Variants in NUBPL observed in about 807,000 individuals in gnomAD.
The protein encoded by NUBPL is NUBP iron-sulfur cluster assembly factor, mitochondrial.
Under a neutral mutation model 45.7 loss-of-function variants are expected in NUBPL, and 31 were observed. The observed-to-expected ratio is 0.68, with a 90% CI of 0.51 to 0.92. The LOEUF (loss-of-function observed/expected upper bound fraction) is 0.92, where lower values mean the gene tolerates loss of function less well. Among genes scored for constraint, NUBPL ranks in the 40% least tolerant of loss-of-function variants. The pLI, the probability that NUBPL is intolerant of heterozygous loss-of-function variation, is 0.00. For missense variants in NUBPL, 401 were observed against 398.7 expected, an observed-to-expected ratio of 1.01 and a Z score of -0.05; for synonymous variants, 144 against 140.9, an observed-to-expected ratio of 1.02 and a Z score of -0.15.
intron 6 of NUBPL, among the ~76,000 whole-genome samples, chr14:31,718,557 A>C (rs2037738080): frequency 6.6e-6 from 1 of 152,210 alleles, no homozygotes; most frequent in Non-Finnish European, 1.5e-5. Context: ...ATCTTACAGC[A>C]AAGTGATTAA....
At chr14:31,806,244 A>G (rs938479105) in intron 7 of NUBPL, among the ~76,000 whole-genome samples, 4 of 152,144 alleles carry the variant, frequency 2.6e-5, no homozygotes, top group Non-Finnish European at 5.9e-5. Flanking sequence ...TTCCTGAAAA[A>G]TACCTGGTTA....
chr14:31,572,664 GT>G (rs1317784384), intron 3 of NUBPL, among the ~76,000 whole-genome samples: 2 of 152,200 alleles, frequency 1.3e-5, no homozygotes, highest in Non-Finnish European at 2.9e-5. Context: ...CCTACACACT[GT>G]TCTTTTCCTG....
intron 4 of NUBPL, among the ~76,000 whole-genome samples, chr14:31,629,400 T>C (rs1203902444): frequency 1.3e-5 from 2 of 152,224 alleles, no homozygotes; most frequent in Non-Finnish European, 2.9e-5. Flanking sequence ...ACTAGGTCTT[T>C]CCTTTTCATT....
intron 6 of NUBPL, among the ~76,000 whole-genome samples, chr14:31,704,273 G>T (rs2037399257): frequency 6.6e-6 from 1 of 152,148 alleles, no homozygotes; most frequent in African/African-American, 2.4e-5. Context: ...GACATTCTAG[G>T]GGTCCCCTTT....
chr14:31,836,118 C>T (rs184519659), intron 8 of NUBPL, among the ~76,000 whole-genome samples: 30 of 152,052 alleles, frequency 2.0e-4, no homozygotes, highest in Non-Finnish European at 4.1e-4. Context: ...CAGAAAAATC[C>T]AATATTCAGA....
rs1262171212 is a variant in NUBPL, at chr14:31,859,437, A to G, written c.*257A>G. On this transcript the variant is annotated 3_prime_UTR_variant, in exon 11 of 11. Coordinates refer to ENST00000281081, the MANE Select transcript of NUBPL (RefSeq NM_025152.3). ...GAACTGCATTTTATTTTATTGAATT[A>G]CCCCTTTAGAAATCACGAGTTTATG... The G allele has an allele frequency of 2.1e-5, 10 of 483,010 alleles. No homozygotes were observed. Among genetic ancestry groups the G allele is most frequent in the Non-Finnish European group, 3.8e-5 (10 of 264,566 alleles). 29.9% of individuals were successfully genotyped at this position (483,010 alleles called of 1,614,324 possible).
chr14:31,618,226 C>T (rs983396222), intron 4 of NUBPL, among the ~76,000 whole-genome samples: 1 of 152,068 alleles, frequency 6.6e-6, no homozygotes, highest in Non-Finnish European at 1.5e-5. Context: ...AAAATACCAG[C>T]TCCTGGATTC....
At chr14:31,602,720 A>G (rs960541478) in intron 4 of NUBPL, among the ~76,000 whole-genome samples, 2 of 152,186 alleles carry the variant, frequency 1.3e-5, no homozygotes. Context: ...TAAGTGATCA[A>G]AAATGGTAGA....
At chr14:31,756,840 T>G (rs2038677069) in intron 6 of NUBPL, among the ~76,000 whole-genome samples, 1 of 151,664 alleles carries the variant, frequency 6.6e-6, no homozygotes, top group Admixed American at 6.6e-5. Context: ...TGTGGGTTTG[T>G]CATAGATAGC....
At chr14:31,649,939 A>G (rs1393472091) in intron 4 of NUBPL, among the ~76,000 whole-genome samples, 1 of 152,132 alleles carries the variant, frequency 6.6e-6, no homozygotes, top group Non-Finnish European at 1.5e-5. Flanking sequence ...CGCTCACTGC[A>G]ACCTCCGCCT....
At chr14:31,592,546 A>T (rs2034169670) in intron 3 of NUBPL, among the ~76,000 whole-genome samples, 1 of 152,174 alleles carries the variant, frequency 6.6e-6, no homozygotes, top group Admixed American at 6.5e-5. Context: ...TAATTTTTTA[A>T]TGCATATGTC....
At chr14:31,827,724 A>G (rs1221862368) in intron 8 of NUBPL, among the ~76,000 whole-genome samples, 1 of 152,146 alleles carries the variant, frequency 6.6e-6, no homozygotes. Context: ...CCAGCCCTAA[A>G]TTGTATGCCT....
At chr14:31,625,515 G>A (rs2053569) in intron 4 of NUBPL, among the ~76,000 whole-genome samples, 67,586 of 145,976 alleles carry the variant, frequency 0.46, 16,891 homozygotes, top group East Asian at 0.61. Flanking sequence ...TGCTCTTGTC[G>A]CCCAGGCTGG....
intron 6 of NUBPL, among the ~76,000 whole-genome samples, chr14:31,770,806 A>G (rs2138761858): frequency 6.6e-6 from 1 of 152,330 alleles, no homozygotes; most frequent in South Asian, 2.1e-4. Flanking sequence ...AGAATTGGTT[A>G]GGTCAGATCT....
Position 31,769,661 on chromosome 14 carries a change from T to TAAA in NUBPL, c.514-18119_514-18118insAAA, listed in dbSNP as rs1566552182. On this transcript the variant is annotated intron_variant, in intron 6 of 10. Coordinates refer to ENST00000281081, the MANE Select transcript of NUBPL (RefSeq NM_025152.3). ...ATATAAGGTAACCCTCTCCTTTTTT[T>TAAA]TAAAAAAAAAAGCTTCTTTGTTATT... Among the ~76,000 whole-genome samples the TAAA allele has an allele frequency of 1.4e-3, 203 of 150,340 alleles. 1 individual carries two copies. The highest frequency in any genetic ancestry group is 4.9e-3 in the African/African-American group (195 of 39,874).
chr14:31,700,458 C>G (rs1156664390), intron 6 of NUBPL, among the ~76,000 whole-genome samples: 1 of 152,160 alleles, frequency 6.6e-6, no homozygotes, highest in African/African-American at 2.4e-5. Flanking sequence ...TTGAGGAGCC[C>G]TTCAGCCCAC....
At chr14:31,732,363 T>C (rs548428213) in intron 6 of NUBPL, among the ~76,000 whole-genome samples, 57 of 152,106 alleles carry the variant, frequency 3.7e-4, no homozygotes, top group African/African-American at 1.3e-3. Context: ...AGAATCTTTT[T>C]TAAAAACACT....
At chr14:31,816,297 G>T (rs1298972915) in intron 7 of NUBPL, among the ~76,000 whole-genome samples, 1 of 152,160 alleles carries the variant, frequency 6.6e-6, no homozygotes, top group African/African-American at 2.4e-5. Context: ...ATTTCTCCTA[G>T]ATGTTCTAGT....
Position 31,599,342 on chromosome 14 carries a change from G to A in NUBPL, c.345G>A (p.Lys115=), listed in dbSNP as rs765470010. The A allele has an allele frequency of 6.2e-7, 1 of 1,612,928 alleles. No homozygotes were observed. Among genetic ancestry groups the A allele is most frequent in the African/African-American group, 1.3e-5 (1 of 75,008 alleles). ...ATGTGTATGGACCTTCAGTTCCAAA[G>A]ATGATGAATCTGAAAGGAAATCCGG... is the stretch of plus-strand genomic sequence containing the variant. ...DVDVYGPSVP[K]MMNLKGNPEL... The change falls in exon 4 of 11, where the codon AAG becomes AAA. Residue 115 remains lysine (K), a synonymous_variant. Transcript: ENST00000281081.
Sources: gnomAD v4.1 joint callset for allele counts (sites outside exome capture counted in the v4.1 genomes callset) on GRCh38, gnomAD v4.1.1 for gene constraint, MANE v1.5 for transcripts, NCBI Gene and HGNC (gene_info 2026-07-23, HGNC 2026-07-21) for gene names.